Variants in CAMLG observed in about 807,000 individuals in gnomAD.
CAMLG encodes calcium modulating ligand, also known as guided entry of tail-anchored proteins factor CAMLG.
A neutral mutation model predicts 28.9 loss-of-function variants in CAMLG; 23 were observed. The ratio of observed to expected loss-of-function variants is 0.80; its 90% confidence interval spans 0.57 to 1.13. CAMLG has a LOEUF of 1.13. Among genes scored for constraint, CAMLG ranks in the 50% most tolerant of loss-of-function variants. The probability of loss-of-function intolerance (pLI) is 0.00; values close to 1 mark genes in which losing one functional copy is unlikely to be tolerated. For missense variants in CAMLG, 367 were observed against 371.9 expected (o/e 0.99, Z 0.11); for synonymous variants, 141 against 146.5 (o/e 0.96, Z 0.27).
chr5:134,744,809 A>G (rs1753026718), intron 3 of CAMLG, among the ~76,000 whole-genome samples: 1 of 152,318 alleles, frequency 6.6e-6, no homozygotes, highest in East Asian at 1.9e-4. Flanking sequence ...TGAGGGCCTG[A>G]TATTTGCAAT....
intron 2 of CAMLG, among the ~76,000 whole-genome samples, chr5:134,743,615 C>T (rs1753009683): frequency 6.7e-6 from 1 of 150,222 alleles, no homozygotes; most frequent in South Asian, 2.1e-4. Context: ...TACCTGTAAT[C>T]CCAGCATGTT....
Position 134,738,566 on chromosome 5 carries a change from C to T in CAMLG, c.-55C>T. ...GCCCGGCCTCTAGTCATCGCCCTCG[C>T]AGCGGCGGCCAACATCACCGCCACT... On this transcript the variant is annotated 5_prime_UTR_variant, in exon 1 of 4. Coordinates refer to ENST00000297156, the MANE Select transcript of CAMLG (RefSeq NM_001745.4). The T allele has an allele frequency of 2.1e-6, 3 of 1,443,732 alleles. No individual in the cohort carries two copies. The highest frequency in any genetic ancestry group is 2.6e-5 in the South Asian group (2 of 77,008). 89.4% of individuals were successfully genotyped at this position (1,443,732 alleles called of 1,614,324 possible).
At chr5:134,742,904 A>G (rs1161634591) in intron 2 of CAMLG, among the ~76,000 whole-genome samples, 1 of 151,992 alleles carries the variant, frequency 6.6e-6, no homozygotes, top group Admixed American at 6.6e-5. Context: ...ACGCACGGCT[A>G]ATTTTTTGTA....
At chr5:134,748,555 T>G (rs1753077339) in intron 3 of CAMLG, among the ~76,000 whole-genome samples, 1 of 152,090 alleles carries the variant, frequency 6.6e-6, no homozygotes, top group South Asian at 2.1e-4. Flanking sequence ...AAAAATTAGT[T>G]CTAATATGAA....
chr5:134,741,696 C>G (rs1259368958), intron 2 of CAMLG, among the ~76,000 whole-genome samples, 173 bp downstream of exon 2: 1 of 152,168 alleles, frequency 6.6e-6, no homozygotes, highest in African/African-American at 2.4e-5. Context: ...ATGAAGTGTT[C>G]TGGTTAAATA....
At chr5:134,748,424 G>A (rs1232747212) in intron 3 of CAMLG, among the ~76,000 whole-genome samples, 1 of 152,120 alleles carries the variant, frequency 6.6e-6, no homozygotes, top group African/African-American at 2.4e-5. Flanking sequence ...TATAATCCCA[G>A]CTACCGGGGA....
intron 3 of CAMLG, among the ~76,000 whole-genome samples, chr5:134,745,620 C>T (rs762574525): frequency 1.3e-5 from 2 of 151,410 alleles, no homozygotes; most frequent in South Asian, 2.1e-4. Flanking sequence ...GGCATGGTTG[C>T]GGGTGCCTGT....
chr5:134,746,691 G>T (rs547638202), intron 3 of CAMLG, among the ~76,000 whole-genome samples: 70 of 152,020 alleles, frequency 4.6e-4, no homozygotes, highest in African/African-American at 1.6e-3. Context: ...TGGTCAGTCT[G>T]GTCTGGAACT....
rs111562262 is a variant in CAMLG at position 134,744,146 on chromosome 5, G to T, written c.699+94G>T. On this transcript the variant is annotated intron_variant, in intron 3 of 3. Coordinates refer to ENST00000297156, the MANE Select transcript of CAMLG (RefSeq NM_001745.4). ...ACTTAAAAATGTTAGTCCTGCTTAC[G>T]GTCTGAATCAGTGCTACTCAAAGTG... 8.9e-5 allele frequency: 58 copies of T among 650,838 alleles called. No individual in the cohort carries two copies. The Admixed American group carries it at 1.2e-3, about 13-fold the overall frequency. 40.3% of individuals were successfully genotyped at this position (650,838 alleles called of 1,614,324 possible). A position where few individuals can be genotyped will look rare whatever the true frequency, so the allele number is the denominator to read the frequency against.
Position 134,744,280 on chromosome 5 carries a change from C to CT in CAMLG, c.699+229dup, listed in dbSNP as rs1341475334. On this transcript the variant is annotated intron_variant, in intron 3 of 3. Coordinates refer to ENST00000297156, the MANE Select transcript of CAMLG (RefSeq NM_001745.4). ...GGCTCACGCCTGTAATCCCCACACT[C>CT]TAAGAGGCTGAGGTGGGTGGATCAC... Among the ~76,000 whole-genome samples the CT allele has an allele frequency of 3.3e-5, 5 of 152,168 alleles. No homozygotes were observed. The East Asian group carries it at 7.7e-4, about 24-fold the overall frequency.
rs1388518986 is a variant in CAMLG at position 134,751,349 on chromosome 5, A to T, written c.*399A>T. ...TCATTCTGTCCTGAGAAATGAAGTCATCTGAAAAATAAAATGAAAGAAACT... is the reference window on the plus strand; with the variant it reads ...TCATTCTGTCCTGAGAAATGAAGTCTTCTGAAAAATAAAATGAAAGAAACT... On this transcript the variant is annotated 3_prime_UTR_variant, in exon 4 of 4. Transcript: ENST00000297156. 1 of 156,510 alleles carries T rather than the reference A, an allele frequency of 6.4e-6. No homozygotes were observed. The highest frequency in any genetic ancestry group is 1.4e-5 in the Non-Finnish European group (1 of 71,010). The allele number at this position is 156,510 out of a possible 1,614,324, so 9.7% of individuals were successfully genotyped here. A position where few individuals can be genotyped will look rare whatever the true frequency, so the allele number is the denominator to read the frequency against.
chr5:134,743,338 TA>T (rs1203335495), intron 2 of CAMLG, among the ~76,000 whole-genome samples: 1 of 152,168 alleles, frequency 6.6e-6, no homozygotes, highest in African/African-American at 2.4e-5. Flanking sequence ...TTGGGGACGC[TA>T]AAAGAATATG....
chr5:134,741,073 T>C lies in CAMLG; in HGVS notation c.183T>C (p.Ser61=). ...CATTTCTTTTCTCAGAAGAAGAAAG[T>C]CAAACAAAATCAAAGCAGCAGGACA... ...HRPGSGAEEE[S]QTKSKQQDSD... The change falls in exon 2 of 4, where the codon AGT becomes AGC. Residue 61 remains serine, a synonymous_variant. Coordinates refer to ENST00000297156, the MANE Select transcript of CAMLG (RefSeq NM_001745.4). The C allele has an allele frequency of 1.9e-6, 3 of 1,609,044 alleles. No individual in the cohort carries two copies. The highest frequency in any genetic ancestry group is 2.6e-6 in the Non-Finnish European group (3 of 1,175,708).
Position 134,751,089 on chromosome 5 carries a change from A to C in CAMLG, c.*139A>C. The C allele has an allele frequency of 1.7e-6, 1 of 576,804 alleles. No homozygotes were observed. Among genetic ancestry groups the C allele is most frequent in the South Asian group, 2.7e-5 (1 of 37,596 alleles). The allele number at this position is 576,804 out of a possible 1,614,324, so 35.7% of individuals were successfully genotyped here. A position where few individuals can be genotyped will look rare whatever the true frequency, so the allele number is the denominator to read the frequency against. ...AGGGGTTGTAAAGCTACTTTATTAG[A>C]TATAGAATGGCAGATTCTCTGATTT... On this transcript the variant is annotated 3_prime_UTR_variant, in exon 4 of 4. Transcript: ENST00000297156.
rs577614628 is a variant in CAMLG at position 134,740,729 on chromosome 5, G to T, written c.173-334G>T. ...CTCCTGCCTCAGCCAGAGTAGCTGGGACTATAGGCAGCTGGGACTACAGAC... is the reference window on the plus strand; with the variant it reads ...CTCCTGCCTCAGCCAGAGTAGCTGGTACTATAGGCAGCTGGGACTACAGAC... On this transcript the variant is annotated intron_variant, in intron 1 of 3. Coordinates refer to ENST00000297156, the MANE Select transcript of CAMLG (RefSeq NM_001745.4). 3.1e-3 allele frequency among the ~76,000 whole-genome samples: 471 copies of T among 152,202 alleles called. 2 individuals are homozygous for T. The highest frequency in any genetic ancestry group is 5.5e-3 in the Non-Finnish European group (375 of 67,986).
In CAMLG at chr5:134,738,570, G is replaced by A. The variant is rs766573194; in HGVS notation, c.-51G>A. On this transcript the variant is annotated 5_prime_UTR_variant, in exon 1 of 4. Transcript: ENST00000297156. ...GGCCTCTAGTCATCGCCCTCGCAGC[G>A]GCGGCCAACATCACCGCCACTGCCA... 1.2e-5 allele frequency: 17 copies of A among 1,473,246 alleles called. No homozygotes were observed. The highest frequency in any genetic ancestry group is 2.8e-5 in the African/African-American group (2 of 70,450). The allele number at this position is 1,473,246 out of a possible 1,614,324, so 91.3% of individuals were successfully genotyped here. A position where few individuals can be genotyped will look rare whatever the true frequency, so the allele number is the denominator to read the frequency against.
rs1222262461 is a variant in CAMLG, at chr5:134,741,074, C to T, written c.184C>T (p.Gln62Ter). Residue 62 changes from glutamine (Q) to a stop codon, truncating the protein, a stop_gained, in exon 2 of 4, where the codon CAA (glutamine) becomes TAA (stop). Transcript: ENST00000297156. LOFTEE classifies it high-confidence loss of function. Reference sequence around the variant, plus strand: ...ATTTCTTTTCTCAGAAGAAGAAAGTCAAACAAAATCAAAGCAGCAGGACAG... The same window carrying T: ...ATTTCTTTTCTCAGAAGAAGAAAGTTAAACAAAATCAAAGCAGCAGGACAG... ...RPGSGAEEES[Q>*]TKSKQQDSDK... 1.9e-6 allele frequency: 3 copies of T among 1,609,338 alleles called. No homozygotes were observed. Among genetic ancestry groups the T allele is most frequent in the Non-Finnish European group, 2.6e-6 (3 of 1,176,082 alleles).
In CAMLG at chr5:134,750,884, T is replaced by C. The variant is rs1753105724; in HGVS notation, c.825T>C (p.Cys275=). The C allele has an allele frequency of 6.2e-7, 1 of 1,614,062 alleles. No homozygotes were observed. The highest frequency in any genetic ancestry group is 1.3e-5 in the African/African-American group (1 of 75,024). The change falls in exon 4 of 4, where the codon TGT becomes TGC. Residue 275 remains cysteine (C), a synonymous_variant. Transcript: ENST00000297156. The stretch of plus-strand genomic sequence containing the variant: ...TGGGCGAAGTCTTCACAGATCTCTG[T>C]GTCTACTTTTTCACTTTTATCTTTT... ...SKMGEVFTDL[C]VYFFTFIFCH...
At position 134,750,808 on chromosome 5, in the gene CAMLG, C is replaced by G. The variant is rs1191684223; in HGVS notation, c.749C>G (p.Ser250Trp). The G allele has an allele frequency of 6.2e-7, 1 of 1,613,744 alleles. No individual in the cohort carries two copies. Among genetic ancestry groups the G allele is most frequent in the Non-Finnish European group, 8.5e-7 (1 of 1,179,694 alleles). ...TTVLTAALLL[S>W]GIPAEVINRS... Reference sequence around the variant, plus strand: ...GTACTAACAGCTGCACTTCTATTGTCGGGAATTCCTGCCGAAGTGATAAAT... The same window carrying G: ...GTACTAACAGCTGCACTTCTATTGTGGGGAATTCCTGCCGAAGTGATAAAT... The change falls in exon 4 of 4, where the codon TCG becomes TGG. Residue 250 changes from serine (S) to tryptophan (W), a missense_variant. Ser to Trp is a radical substitution (Grantham distance 177). Transcript: ENST00000297156.
Sources: gnomAD v4.1 joint callset for allele counts (sites outside exome capture counted in the v4.1 genomes callset) on GRCh38, gnomAD v4.1.1 for gene constraint, MANE v1.5 for transcripts, NCBI Gene and HGNC (gene_info 2026-07-23, HGNC 2026-07-21) for gene names.